Variants in KMT5C observed in about 807,000 individuals in gnomAD.
KMT5C encodes the protein lysine methyltransferase 5C.
KMT5C carries 16 observed loss-of-function variants against 38.2 expected under a neutral mutation model. The ratio of observed to expected loss-of-function variants is 0.42; its 90% CI spans 0.28 to 0.64. KMT5C has a LOEUF of 0.64. Among genes scored for constraint, KMT5C ranks in the 30% least tolerant of loss-of-function variants. The pLI, the probability that KMT5C is intolerant of heterozygous loss-of-function variation, is 0.23. For synonymous variants in KMT5C, 291 were observed against 279.0 expected (o/e 1.04, Z -0.43); for missense variants, 598 against 665.1 (o/e 0.90, Z 1.11).
intron 6 of KMT5C, chr19:55,345,985 T>C: frequency 1.7e-6 from 1 of 586,048 alleles, no homozygotes; most frequent in East Asian, 2.9e-5. Context: ...TAGATCATCG[T>C]CCTGCAGGGA....
rs758720869 is a variant in KMT5C at position 55,347,052 on chromosome 19, G to T, written c.992G>T (p.Arg331Leu). ...QWLPQPQPRV[R>L]PRKRRRPRPR... ...CTGCCTCAGCCCCAGCCCCGAGTGC[G>T]GCCCCGGAAGCGCCGACGCCCCCGG... Residue 331 changes from arginine to leucine, a missense_variant, in exon 9 of 9, where the codon CGG (arginine) becomes CTG (leucine). By Grantham distance (102) the Arg-to-Leu change is moderately radical. This residue lies in a region of KMT5C where 326 missense variants were observed against 298.1 expected (regional missense o/e 1.09). Coordinates refer to ENST00000255613, the MANE Select transcript of KMT5C (RefSeq NM_032701.4). The surrounding 1 kb of genome is among the most constrained non-coding windows in gnomAD (Gnocchi z 4.6). 2 of 1,568,606 alleles carry T rather than the reference G, an allele frequency of 1.3e-6. No homozygotes were observed. Among genetic ancestry groups the T allele is most frequent in the Non-Finnish European group, 1.7e-6 (2 of 1,156,440 alleles).
chr19:55,343,670 C>T lies in KMT5C; in HGVS notation c.387-10C>T. 1 of 1,551,906 alleles carries T rather than the reference C, an allele frequency of 6.4e-7. No individual in the cohort carries two copies. Among genetic ancestry groups the T allele is most frequent in the South Asian group, 1.2e-5 (1 of 84,336 alleles). On this transcript the variant is annotated splice_polypyrimidine_tract_variant and intron_variant, in intron 4 of 8. Coordinates refer to ENST00000255613, the MANE Select transcript of KMT5C (RefSeq NM_032701.4). This position sits in a 1 kb window ranked among gnomAD's most constrained non-coding sequence, Gnocchi z 5.5. ...ATCGCCCACAGCCCTGCCCCCTGGC[C>T]TCTTGGCAGGAAAAAGAATGAGAAG...
intron 6 of KMT5C, chr19:55,345,964 G>A (rs2089611959): frequency 1.1e-5 from 6 of 554,472 alleles, no homozygotes; most frequent in Non-Finnish European, 1.9e-5. Flanking sequence ...CACGCTGCCA[G>A]AAGGTCAGGT....
chr19:55,347,069 C>T lies in KMT5C; in HGVS notation c.1009C>T (p.Arg337Cys), dbSNP rs772861119. Residue 337 changes from arginine (R) to cysteine (C), a missense_variant, in exon 9 of 9, where the codon CGC (arginine) becomes TGC (cysteine). Physicochemically the swap from Arg to Cys is radical, Grantham distance 180. Around this residue, in one of 3 missense-constraint regions of KMT5C, gnomAD observed 326 missense variants for 298.1 expected, o/e 1.09. Coordinates refer to ENST00000255613, the MANE Select transcript of KMT5C (RefSeq NM_032701.4). The surrounding 1 kb of genome is among the most constrained non-coding windows in gnomAD (Gnocchi z 4.6). ...QPRVRPRKRR[R>C]PRPRRAPVLS... ...CCGAGTGCGGCCCCGGAAGCGCCGA[C>T]GCCCCCGGCCCCGGAGGGCCCCAGT... 46 of 1,578,764 alleles carry T rather than the reference C, an allele frequency of 2.9e-5. No homozygotes were observed. Among genetic ancestry groups the T allele is most frequent in the African/African-American group, 4.0e-5 (3 of 74,252 alleles).
chr19:55,346,832 C>A, intron 8 of KMT5C, 124 bp from the exon 9 acceptor site: 1 of 562,370 alleles, frequency 1.8e-6, no homozygotes, highest in Non-Finnish European at 2.8e-6. Flanking sequence ...AGCAGTTCGG[C>A]CGCATCATTC....
In KMT5C at chr19:55,346,599, G is replaced by A. The variant is rs770311379; in HGVS notation, c.807G>A (p.Gln269=). ...YQLRETKRRL[Q]QGLDSGSRQG... is the part of the protein sequence containing the mutation. ...TGCGTGAGACCAAGCGGCGGCTGCA[G>A]CAAGGCCTGGACAGTGGCAGCCGAC... Residue 269 remains glutamine, a synonymous_variant, in exon 8 of 9, where the codon CAG becomes CAA. Transcript: ENST00000255613. 1.9e-6 allele frequency: 3 copies of A among 1,576,956 alleles called. No individual in the cohort carries two copies. The highest frequency in any genetic ancestry group is 2.6e-6 in the Non-Finnish European group (3 of 1,162,230).
intron 1 of KMT5C, 103 bp from the exon 2 acceptor site, chr19:55,341,691 C>T: frequency 3.6e-6 from 2 of 556,268 alleles, no homozygotes; most frequent in Admixed American, 6.3e-5. Flanking sequence ...AAGGCGATGG[C>T]TGACATGGCT....
At position 55,342,720 on chromosome 19, in the gene KMT5C, C is replaced by T; in HGVS notation, c.277-22C>T. ...AAGATGCCCCTGCCCCGCCTCCTCA[C>T]CCCCACCCTCACCCTCACCAGGTCT... On this transcript the variant is annotated intron_variant, in intron 3 of 8. Transcript: ENST00000255613. 6 of 1,402,066 alleles carry T rather than the reference C, an allele frequency of 4.3e-6. No individual in the cohort carries two copies. The South Asian group carries it at 4.6e-5, about 11-fold the overall frequency. The allele number at this position is 1,402,066 out of a possible 1,614,324, so 86.9% of individuals were successfully genotyped here.
intron 6 of KMT5C, among the ~76,000 whole-genome samples, chr19:55,345,792 G>C (rs1006598697): frequency 6.6e-6 from 1 of 152,188 alleles, no homozygotes; most frequent in Non-Finnish European, 1.5e-5. Flanking sequence ...TCAGAGAAGC[G>C]GGGGCGGCCC....
In KMT5C at chr19:55,342,035, G is replaced by A. The variant is rs138835730; in HGVS notation, c.99G>A (p.Lys33=). The change falls in exon 2 of 9, where the codon AAG becomes AAA. Residue 33 remains lysine (K), a synonymous_variant. Transcript: ENST00000255613. ...CCTACCTCGGTTTCCGCACCCATAA[G>A]ATGAACGTCAGGTGAGGTGGCCTGG... ...LDPYLGFRTH[K]MNVSPVPPLR... is the part of the protein sequence containing the mutation. 1.2e-6 allele frequency: 2 copies of A among 1,613,400 alleles called. No individual in the cohort carries two copies. The highest frequency in any genetic ancestry group is 1.7e-6 in the Non-Finnish European group (2 of 1,179,636).
intron 6 of KMT5C, chr19:55,344,870 AT>A (rs1376627647): frequency 2.1e-6 from 1 of 474,176 alleles, no homozygotes; most frequent in South Asian, 1.5e-5. Flanking sequence ...AGGGATCCAG[AT>A]TTTTGGCTCC....
chr19:55,344,846 G>A (rs995525049), intron 6 of KMT5C: 7 of 483,524 alleles, frequency 1.4e-5, no homozygotes, highest in Non-Finnish European at 3.0e-5. Context: ...GGGGCACCCC[G>A]GGAGGCATGA....
In KMT5C at chr19:55,343,849, G is replaced by T; in HGVS notation, c.550+6G>T. On this transcript the variant is annotated splice_donor_region_variant and intron_variant, in intron 5 of 8. Transcript: ENST00000255613. This position sits in a 1 kb window ranked among gnomAD's most constrained non-coding sequence, Gnocchi z 5.5. ...AGCCGCCTTCATCAACCATGGTGAG[G>T]GTCAGGCAGGTGGATGGGCAGGACG... The T allele has an allele frequency of 6.2e-7, 1 of 1,613,440 alleles. No individual in the cohort carries two copies. The highest frequency in any genetic ancestry group is 8.5e-7 in the Non-Finnish European group (1 of 1,179,628).
intron 6 of KMT5C, 59 bp downstream of exon 6, chr19:55,344,056 G>C: frequency 6.3e-7 from 1 of 1,579,700 alleles, no homozygotes; most frequent in Non-Finnish European, 8.7e-7. Flanking sequence ...CCTGTGGCCT[G>C]GGGAAAGGGT....
At position 55,345,049 on chromosome 19, in the gene KMT5C, G is replaced by C. The variant is rs554323419; in HGVS notation, c.570+1052G>C. 19 of 456,094 alleles carry C rather than the reference G, an allele frequency of 4.2e-5. No individual in the cohort carries two copies. In the East Asian group the frequency reaches 6.9e-4, roughly 17 times the overall value. 28.3% of individuals were successfully genotyped at this position (456,094 alleles called of 1,614,324 possible). A position where few individuals can be genotyped will look rare whatever the true frequency, so the allele number is the denominator to read the frequency against. On this transcript the variant is annotated intron_variant, in intron 6 of 8. Coordinates refer to ENST00000255613, the MANE Select transcript of KMT5C (RefSeq NM_032701.4). ...GGTCTGACACCACACACAGACGCTG[G>C]GGGGGATGGAAACAAAAGGCGGCAT...
At chr19:55,342,702 C>T in intron 3 of KMT5C, 40 bp from the exon 4 acceptor site, 2 of 1,136,654 alleles carry the variant, frequency 1.8e-6, no homozygotes, top group Non-Finnish European at 2.7e-6. Flanking sequence ...CCAAAGATGC[C>T]CCTGCCCCGC....
Position 55,343,074 on chromosome 19 carries a change from T to C in KMT5C, c.386+223T>C. On this transcript the variant is annotated intron_variant, in intron 4 of 8. Coordinates refer to ENST00000255613, the MANE Select transcript of KMT5C (RefSeq NM_032701.4). The surrounding 1 kb of genome is among the most constrained non-coding windows in gnomAD (Gnocchi z 5.5). ...ATGTGACCCCAGGGTTCCTGGGGCT[T>C]CCAGGAAAGAACTAGGCTTCTGGTC... The C allele has an allele frequency of 1.9e-6, 1 of 527,288 alleles. No individual in the cohort carries two copies. Among genetic ancestry groups the C allele is most frequent in the Non-Finnish European group, 3.4e-6 (1 of 290,046 alleles). The allele number at this position is 527,288 out of a possible 1,614,324, so 32.7% of individuals were successfully genotyped here.
chr19:55,342,773 A>G lies in KMT5C; in HGVS notation c.308A>G (p.Glu103Gly). The G allele has an allele frequency of 6.2e-7, 1 of 1,612,960 alleles. No homozygotes were observed. The highest frequency in any genetic ancestry group is 2.2e-5 in the East Asian group (1 of 44,798). The change falls in exon 4 of 9, where the codon GAA (glutamate) becomes GGA (glycine). Residue 103 changes from glutamate to glycine, a missense_variant. Around this residue, in one of 3 missense-constraint regions of KMT5C, gnomAD observed 167 missense variants for 187.8 expected, o/e 0.89. Coordinates refer to ENST00000255613, the MANE Select transcript of KMT5C (RefSeq NM_032701.4). ...VYRYLRAFLP[E>G]SGFTILPCTR... The stretch of plus-strand genomic sequence containing the variant: ...CGCTACCTCCGTGCCTTCCTGCCGG[A>G]AAGTGGCTTTACCATCCTGCCCTGC...
Position 55,342,352 on chromosome 19 carries a change from CGCGGCAGGAGGCT to C in KMT5C, c.251_263del (p.Arg84ProfsTer66). 1 of 1,544,014 alleles carries C rather than the reference CGCGGCAGGAGGCT, an allele frequency of 6.5e-7. No homozygotes were observed. The highest frequency in any genetic ancestry group is 8.7e-7 in the Non-Finnish European group (1 of 1,145,558). On this transcript the variant is annotated frameshift_variant, in exon 3 of 9. Coordinates refer to ENST00000255613, the MANE Select transcript of KMT5C (RefSeq NM_032701.4). LOFTEE classifies it high-confidence loss of function. ...GCCCGCTACTTCCAGAGCCGGGGCCCGCGGCAGGAGGCTGCCCTCAAGACCCACGTGAGGGCGC... is the reference window on the plus strand; with the variant it reads ...GCCCGCTACTTCCAGAGCCGGGGCCCGCCCTCAAGACCCACGTGAGGGCGC...
Sources: allele counts gnomAD v4.1 joint callset (sites outside exome capture counted in the v4.1 genomes callset), GRCh38; gene constraint gnomAD v4.1.1; regional missense constraint gnomAD v4.1.1; non-coding constraint Gnocchi (gnomAD v3.1); transcripts MANE v1.5; gene names NCBI Gene and HGNC (gene_info 2026-07-23, HGNC 2026-07-21).